The following SIN3B variants were observed in gnomAD, a reference collection of about 807,000 sequenced individuals.
The protein encoded by SIN3B is paired amphipathic helix protein Sin3b.
Under a neutral mutation model 120.2 loss-of-function variants are expected in SIN3B, and 19 were observed. The observed-to-expected ratio is 0.16, with a 90% CI of 0.11 to 0.23. The LOEUF (loss-of-function observed/expected upper bound fraction) is 0.23, where lower values mean the gene tolerates loss of function less well. SIN3B is among the 10% of genes least tolerant of loss of function. SIN3B has a pLI of 1.00. For synonymous variants in SIN3B, 654 were observed against 653.2 expected, an observed-to-expected ratio of 1.00 and a Z score of -0.02; for missense variants, 1,073 against 1,573.0, an observed-to-expected ratio of 0.68 and a Z score of 5.38.
At position 16,847,043 on chromosome 19, in the gene SIN3B, A is replaced by T; in HGVS notation, c.656A>T (p.Asn219Ile). 1.2e-6 allele frequency: 2 copies of T among 1,614,068 alleles called. No homozygotes were observed. The highest frequency in any genetic ancestry group is 1.7e-6 in the Non-Finnish European group (2 of 1,179,972). Residue 219 changes from asparagine to isoleucine, a missense_variant, in exon 5 of 19, where the codon AAC (asparagine) becomes ATC (isoleucine). By Grantham distance (149) the Asn-to-Ile change is moderately radical (BLOSUM62 -3). Coordinates refer to ENST00000248054, the MANE Select transcript of SIN3B (RefSeq NM_001297595.2). ...GAGGAGGTGTTCACCGAGGTGGCCA[A>T]CCTCTTCCGGGGCCAGGAGGACCTG... is the stretch of plus-strand genomic sequence containing the variant. ...SEEEVFTEVA[N>I]LFRGQEDLLS...
intron 3 of SIN3B, among the ~76,000 whole-genome samples, chr19:16,835,534 A>G (rs1314194824): frequency 7.5e-6 from 1 of 133,030 alleles, no homozygotes. Flanking sequence ...ATTATTTTTT[A>G]ATTTTGAGAC....
In SIN3B at chr19:16,854,218, G is replaced by T. The variant is rs753160742; in HGVS notation, c.1015G>T (p.Val339Leu). 2.5e-6 allele frequency: 4 copies of T among 1,612,910 alleles called. No homozygotes were observed. Among genetic ancestry groups the T allele is most frequent in the African/African-American group, 2.7e-5 (2 of 74,908 alleles). ...CATCGCACTCTTCAACCAGGAGCTG[G>T]TGTCTGGCTCTGAGCTCCTGCAGCT... Reference protein sequence around the residue: ...RCIALFNQELVSGSELLQLVS... With the variant: ...RCIALFNQELLSGSELLQLVS... Residue 339 changes from valine (V) to leucine (L), a missense_variant, in exon 8 of 19, where the codon GTG (valine) becomes TTG (leucine). This residue lies in a region of SIN3B where 395 missense variants were observed against 528.0 expected (regional missense o/e 0.75). Transcript: ENST00000248054.
Position 16,862,583 on chromosome 19 carries a change from G to A in SIN3B, c.1266+24G>A, listed in dbSNP as rs752352173. ...AGGTAGCGCTCCCTGGGGCTCAAAT[G>A]TTCGTTGACATGGTGCATCCCCCAC... On this transcript the variant is annotated intron_variant, in intron 9 of 18. Coordinates refer to ENST00000248054, the MANE Select transcript of SIN3B (RefSeq NM_001297595.2). The surrounding 1 kb of genome is among the most constrained non-coding windows in gnomAD (Gnocchi z 4.7). The A allele has an allele frequency of 6.3e-7, 1 of 1,597,946 alleles. No individual in the cohort carries two copies.
At position 16,851,480 on chromosome 19, in the gene SIN3B, C is replaced by T. The variant is rs747087322; in HGVS notation, c.795C>T (p.His265=). Reference sequence around the variant, plus strand: ...ACGAGCACGACAAGACCCCGGAGCACAGCAGGAAGCGCTCCCGGCCCTCGC... The same window carrying T: ...ACGAGCACGACAAGACCCCGGAGCATAGCAGGAAGCGCTCCCGGCCCTCGC... ...QKNEHDKTPE[H]SRKRSRPSLL... Residue 265 remains histidine, a synonymous_variant, in exon 6 of 19, where the codon CAC becomes CAT. Transcript: ENST00000248054. The T allele has an allele frequency of 1.9e-6, 3 of 1,609,896 alleles. No individual in the cohort carries two copies. The highest frequency in any genetic ancestry group is 2.2e-5 in the East Asian group (1 of 44,570).
intron 12 of SIN3B, among the ~76,000 whole-genome samples, chr19:16,866,900 G>A (rs1971782725): frequency 6.6e-6 from 1 of 152,210 alleles, no homozygotes; most frequent in Non-Finnish European, 1.5e-5. Context: ...GGGACTACAG[G>A]CGCACACCAC....
At position 16,829,780 on chromosome 19, in the gene SIN3B, C is replaced by G. The variant is rs377281361; in HGVS notation, c.121-11C>G. On this transcript the variant is annotated splice_polypyrimidine_tract_variant and intron_variant, in intron 1 of 18. Coordinates refer to ENST00000248054, the MANE Select transcript of SIN3B (RefSeq NM_001297595.2). ...GGCCAGGGCCCACCGGGACCCTCCC[C>G]CTCTCTGCAGGTAGAAGACGCCCTC... is the stretch of plus-strand genomic sequence containing the variant. The G allele has an allele frequency of 9.5e-5, 153 of 1,606,464 alleles. No individual in the cohort carries two copies. The highest frequency in any genetic ancestry group is 1.2e-4 in the Non-Finnish European group (136 of 1,173,514).
intron 11 of SIN3B, among the ~76,000 whole-genome samples, chr19:16,866,116 A>G (rs540854241): frequency 6.6e-6 from 1 of 152,276 alleles, no homozygotes; most frequent in South Asian, 2.1e-4. Flanking sequence ...TGAGTGGTTG[A>G]GCCAACAGCC....
intron 8 of SIN3B, among the ~76,000 whole-genome samples, chr19:16,856,800 G>A (rs1971622111): frequency 6.6e-6 from 1 of 152,126 alleles, no homozygotes; most frequent in Non-Finnish European, 1.5e-5. Flanking sequence ...TCGAACTCCT[G>A]ACCTCAAGCA....
At chr19:16,839,271 G>T (rs940773379) in intron 3 of SIN3B, among the ~76,000 whole-genome samples, 12 of 152,206 alleles carry the variant, frequency 7.9e-5, no homozygotes, top group Non-Finnish European at 1.3e-4. Flanking sequence ...CCTGGCCTGA[G>T]CCACTGTCCC....
intron 1 of SIN3B, 70 bp from the exon 2 acceptor site, chr19:16,829,721 T>A: frequency 8.4e-7 from 1 of 1,197,088 alleles, no homozygotes; most frequent in Non-Finnish European, 1.1e-6. Flanking sequence ...CCCCTTCCCC[T>A]CAGGGACCCC....
At position 16,877,539 on chromosome 19, in the gene SIN3B, C is replaced by T; in HGVS notation, c.2860-6C>T. 6.2e-7 allele frequency: 1 copy of T among 1,600,038 alleles called. No individual in the cohort carries two copies. Among genetic ancestry groups the T allele is most frequent in the Non-Finnish European group, 8.5e-7 (1 of 1,173,114 alleles). ...CATCACGGGCTGTGTCTCTCCCTGT[C>T]CCCAGCACCTGGCTCGGTACGTGGA... On this transcript the variant is annotated splice_polypyrimidine_tract_variant and splice_region_variant and intron_variant, in intron 16 of 18. Transcript: ENST00000248054.
intron 4 of SIN3B, 102 bp downstream of exon 4, chr19:16,842,070 A>G (rs1334816199): frequency 1.9e-6 from 2 of 1,039,686 alleles, no homozygotes; most frequent in African/African-American, 3.3e-5. Context: ...AAATCCTGTA[A>G]AATTCTAATT....
intron 8 of SIN3B, among the ~76,000 whole-genome samples, chr19:16,859,646 G>T (rs1368194363): frequency 6.6e-6 from 1 of 152,198 alleles, no homozygotes; most frequent in Non-Finnish European, 1.5e-5. Context: ...CCCAGAGCAG[G>T]ATGGTGTTAC....
In SIN3B at chr19:16,869,824, AGCCACCCCT is replaced by A; in HGVS notation, c.2175_2183del (p.Leu727_Pro729del). 6.2e-7 allele frequency: 1 copy of A among 1,613,878 alleles called. No individual in the cohort carries two copies. The highest frequency in any genetic ancestry group is 8.5e-7 in the Non-Finnish European group (1 of 1,179,972). On this transcript the variant is annotated inframe_deletion, in exon 13 of 19. Transcript: ENST00000248054. ...TTCGGGGATGCCCCGGCCACTGAGC[AGCCACCCCT>A]GCCGCCCCCAGCCCCGCACAAGCCC...
chr19:16,851,381 G>A lies in SIN3B; in HGVS notation c.727-31G>A, dbSNP rs147651852. The A allele has an allele frequency of 5.3e-4, 820 of 1,554,650 alleles. 2 individuals are homozygous for A. In the African/African-American group the frequency reaches 0.01, roughly 19 times the overall value. The stretch of plus-strand genomic sequence containing the variant: ...GGTGCATGGGTCCAGCCACGTCTCC[G>A]GTGCTGACCACCTCCCACATGTGTC... On this transcript the variant is annotated intron_variant, in intron 5 of 18. Transcript: ENST00000248054.
At chr19:16,845,475 C>T (rs1396936395) in intron 4 of SIN3B, among the ~76,000 whole-genome samples, 1 of 152,062 alleles carries the variant, frequency 6.6e-6, no homozygotes, top group African/African-American at 2.4e-5. Flanking sequence ...GTTTCACCAT[C>T]TTGGCTAGGC....
At position 16,878,855 on chromosome 19, in the gene SIN3B, C is replaced by A; in HGVS notation, c.*128C>A. 1 of 859,580 alleles carries A rather than the reference C, an allele frequency of 1.2e-6. No individual in the cohort carries two copies. The highest frequency in any genetic ancestry group is 1.8e-6 in the Non-Finnish European group (1 of 569,170). The allele number at this position is 859,580 out of a possible 1,614,324, so 53.2% of individuals were successfully genotyped here. A position where few individuals can be genotyped will look rare whatever the true frequency, so the allele number is the denominator to read the frequency against. On this transcript the variant is annotated 3_prime_UTR_variant, in exon 19 of 19. Transcript: ENST00000248054. ...CCAGCCCCTCTGCTGCCGGACAGCG[C>A]ACTCCAGGGCAGGACGCCGCCCCCG...
At chr19:16,835,996 C>T (rs1019598939) in intron 3 of SIN3B, among the ~76,000 whole-genome samples, 1 of 152,016 alleles carries the variant, frequency 6.6e-6, no homozygotes, top group Non-Finnish European at 1.5e-5. Flanking sequence ...ATCTTTTTCC[C>T]CCCCCAATTT....
intron 3 of SIN3B, among the ~76,000 whole-genome samples, chr19:16,834,328 A>C (rs980989537): frequency 6.6e-6 from 1 of 152,178 alleles, no homozygotes; most frequent in African/African-American, 2.4e-5. Flanking sequence ...TGCGTCCTGC[A>C]TGTGGAAATT....
Sources: allele counts gnomAD v4.1 joint callset (sites outside exome capture counted in the v4.1 genomes callset), GRCh38; gene constraint gnomAD v4.1.1; regional missense constraint gnomAD v4.1.1; non-coding constraint Gnocchi (gnomAD v3.1); transcripts MANE v1.5; gene names NCBI Gene and HGNC (gene_info 2026-07-23, HGNC 2026-07-21).